Variants in EXOC4 observed in about 807,000 individuals in gnomAD.
EXOC4 encodes SEC8-like 1.
Under a neutral mutation model 107.2 loss-of-function variants are expected in EXOC4, and 71 were observed. The observed-to-expected ratio is 0.66, with a 90% CI of 0.55 to 0.81. The LOEUF is 0.81. EXOC4 is among the 30% of genes least tolerant of loss of function. EXOC4 has a pLI of 0.00. For synonymous variants in EXOC4, 456 were observed against 441.2 expected (o/e 1.03, Z -0.42); for missense variants, 1,108 against 1,189.6 (o/e 0.93, Z 1.01).
chr7:133,779,332 TACTA>T (rs989241435), intron 10 of EXOC4, among the ~76,000 whole-genome samples: 4 of 152,204 alleles, frequency 2.6e-5, no homozygotes, highest in Non-Finnish European at 5.9e-5. Flanking sequence ...TTCTCAATAC[TACTA>T]ACTCTTATTT....
intron 15 of EXOC4, among the ~76,000 whole-genome samples, chr7:134,000,751 G>A (rs1794513227): frequency 1.3e-5 from 2 of 152,094 alleles, no homozygotes; most frequent in African/African-American, 4.8e-5. Flanking sequence ...AGCTGGTGTG[G>A]TGAAAAAGTG....
chr7:133,802,110 G>T (rs1255483874), intron 10 of EXOC4, among the ~76,000 whole-genome samples: 1 of 152,166 alleles, frequency 6.6e-6, no homozygotes, highest in Non-Finnish European at 1.5e-5. Context: ...TGTGGGCTTT[G>T]CCATTTTTAG....
intron 12 of EXOC4, among the ~76,000 whole-genome samples, chr7:133,898,776 G>T (rs959350791): frequency 2.8e-5 from 4 of 141,780 alleles, no homozygotes; most frequent in African/African-American, 1.1e-4. Context: ...AAAAGAGTTC[G>T]AGACCAGCCT....
At chr7:134,099,135 A>ATGTAATTAGT in the EXOC4 span, among the ~76,000 whole-genome samples, 3 of 152,106 alleles carry the variant, frequency 2.0e-5, no homozygotes, top group Non-Finnish European at 4.4e-5. Context: ...GTTATTGTAG[A>ATGTAATTAGT]TGTAATTAGT....
intron 17 of EXOC4, among the ~76,000 whole-genome samples, chr7:134,053,937 TTA>T (rs1350282173): frequency 1.3e-5 from 2 of 151,938 alleles, no homozygotes; most frequent in African/African-American, 2.4e-5. Flanking sequence ...TTATTTTAAT[TTA>T]TTTTATTTTT....
Position 133,480,076 on chromosome 7 carries a change from G to C in EXOC4, c.1355G>C (p.Ser452Thr). ...FKFESSSHAI[S>T]MSAYLREQRR... ...TTCGAATCGTCCTCCCATGCCATCA[G>C]TATGAGCGCCTATCTGCGAGAACAG... The change falls in exon 9 of 18, where the codon AGT becomes ACT. Residue 452 changes from serine to threonine, a missense_variant. By Grantham distance (58) the Ser-to-Thr change is moderately conservative (BLOSUM62 1). Transcript: ENST00000253861. 6.2e-7 allele frequency: 1 copy of C among 1,614,030 alleles called. No individual in the cohort carries two copies. Among genetic ancestry groups the C allele is most frequent in the Non-Finnish European group, 8.5e-7 (1 of 1,179,900 alleles).
intron 7 of EXOC4, among the ~76,000 whole-genome samples, chr7:133,470,373 T>C (rs1340746604): frequency 1.3e-5 from 2 of 152,254 alleles, no homozygotes; most frequent in African/African-American, 4.8e-5. Flanking sequence ...TGTCCTGCTT[T>C]AATACCGTGA....
chr7:133,334,708 C>T (rs1795471247), intron 5 of EXOC4, among the ~76,000 whole-genome samples: 1 of 152,002 alleles, frequency 6.6e-6, no homozygotes, highest in Admixed American at 6.6e-5. Flanking sequence ...TCCCTCCTCC[C>T]ACCCTCCACC....
chr7:133,796,902 G>T (rs1008392627), intron 10 of EXOC4, among the ~76,000 whole-genome samples: 14 of 152,184 alleles, frequency 9.2e-5, no homozygotes. Context: ...CCATCTGTCT[G>T]CCGACTTAAT....
chr7:133,305,100 T>C (rs1196598392), intron 3 of EXOC4, among the ~76,000 whole-genome samples: 11 of 151,944 alleles, frequency 7.2e-5, no homozygotes, highest in Admixed American at 7.2e-4. Flanking sequence ...CAGATGTCAC[T>C]TTGAGTTTCA....
At chr7:133,759,700 A>G (rs974029609) in intron 10 of EXOC4, among the ~76,000 whole-genome samples, 10 of 152,158 alleles carry the variant, frequency 6.6e-5, no homozygotes, top group Non-Finnish European at 1.5e-4. Flanking sequence ...TGTATCCTCT[A>G]TGACAGCAAA....
chr7:133,736,867 CT>C (rs1795455077), intron 10 of EXOC4, among the ~76,000 whole-genome samples: 1 of 152,196 alleles, frequency 6.6e-6, no homozygotes, highest in African/African-American at 2.4e-5. Flanking sequence ...AACAAACTGC[CT>C]TCTGGACACC....
At chr7:133,829,067 A>G (rs897619232) in intron 11 of EXOC4, among the ~76,000 whole-genome samples, 1 of 152,212 alleles carries the variant, frequency 6.6e-6, no homozygotes, top group African/African-American at 2.4e-5. Flanking sequence ...TCACTGTAGG[A>G]TGTGTAGAAA....
chr7:133,346,658 C>G (rs1584836538), intron 5 of EXOC4, among the ~76,000 whole-genome samples: 1 of 151,996 alleles, frequency 6.6e-6, no homozygotes, highest in African/African-American at 2.4e-5. Context: ...TTCTAGTGGT[C>G]TAATTAGGCT....
At chr7:133,715,550 T>C (rs749003019) in intron 10 of EXOC4, among the ~76,000 whole-genome samples, 5 of 152,058 alleles carry the variant, frequency 3.3e-5, no homozygotes, top group Non-Finnish European at 7.4e-5. Flanking sequence ...TATAGTAATA[T>C]AAAAAGTTAT....
chr7:134,098,616 C>T, the EXOC4 span, among the ~76,000 whole-genome samples: 2 of 152,130 alleles, frequency 1.3e-5, no homozygotes, highest in African/African-American at 4.8e-5. Context: ...GGAGGTACTG[C>T]CTCTCTAGCA....
intron 11 of EXOC4, among the ~76,000 whole-genome samples, chr7:133,854,896 T>C (rs1325803793): frequency 1.3e-5 from 2 of 149,758 alleles, no homozygotes; most frequent in Admixed American, 6.7e-5. Context: ...ACTTGTGCAG[T>C]ATATCATCCC....
At chr7:133,568,507 ATTTG>A (rs1800954770) in intron 9 of EXOC4, among the ~76,000 whole-genome samples, 1 of 152,124 alleles carries the variant, frequency 6.6e-6, no homozygotes, top group African/African-American at 2.4e-5. Flanking sequence ...TAAATTTTCA[ATTTG>A]TTTGGCAATT....
intron 3 of EXOC4, among the ~76,000 whole-genome samples, chr7:133,294,547 C>T (rs1474796603): frequency 1.3e-5 from 2 of 151,852 alleles, no homozygotes; most frequent in African/African-American, 2.4e-5. Context: ...ATTTATATGC[C>T]TTTTAAAAAG....
Sources: allele counts gnomAD v4.1 joint callset (sites outside exome capture counted in the v4.1 genomes callset), GRCh38; gene constraint gnomAD v4.1.1; transcripts MANE v1.5; gene names NCBI Gene and HGNC (gene_info 2026-07-23, HGNC 2026-07-21).